Variants in ATP2B2 observed in about 807,000 individuals in gnomAD.
ATP2B2 encodes plasma membrane calcium-transporting ATPase 2.
Under a neutral mutation model 120.0 loss-of-function variants are expected in ATP2B2, and 15 were observed. The ratio of observed to expected loss-of-function variants is 0.12; its 90% CI spans 0.08 to 0.19. The LOEUF (loss-of-function observed/expected upper bound fraction) is 0.19. Among genes scored for constraint, ATP2B2 ranks in the 10% least tolerant of loss-of-function variants. The pLI is 1.00. For synonymous variants in ATP2B2, 694 were observed against 700.3 expected, an observed-to-expected ratio of 0.99 and a Z score of 0.14; for missense variants, 1,045 against 1,719.8, an observed-to-expected ratio of 0.61 and a Z score of 6.94.
chr3:10,511,858 G>A (rs918991781), intron 3 of ATP2B2, among the ~76,000 whole-genome samples: 1 of 152,222 alleles, frequency 6.6e-6, no homozygotes, highest in South Asian at 2.1e-4. Flanking sequence ...CTGTACTGGG[G>A]TCCCTAGCTA....
intron 1 of ATP2B2, among the ~76,000 whole-genome samples, chr3:10,471,607 A>T (rs2065007014): frequency 6.6e-6 from 1 of 151,876 alleles, no homozygotes; most frequent in Admixed American, 6.6e-5. Flanking sequence ...GGGAGAGGGG[A>T]GAGAAACAGA....
At chr3:10,385,179 T>C in intron 8 of ATP2B2, 89 bp downstream of exon 8, 1 of 1,321,078 alleles carries the variant, frequency 7.6e-7, no homozygotes, top group African/African-American at 1.4e-5. Context: ...ATCTGTGCAG[T>C]CCAGAACAAG....
chr3:10,645,513 G>A (rs565139489), intron 1 of ATP2B2, among the ~76,000 whole-genome samples: 6 of 152,276 alleles, frequency 3.9e-5, no homozygotes, highest in Non-Finnish European at 5.9e-5. Context: ...ATGTGTGGAC[G>A]CACACAGATA....
At chr3:10,388,021 C>T in intron 6 of ATP2B2, 1 of 475,102 alleles carries the variant, frequency 2.1e-6, no homozygotes, top group Non-Finnish European at 3.9e-6. Flanking sequence ...TGGTCAGCAT[C>T]CTTGGCCTGG....
Position 10,338,094 on chromosome 3 carries a change from G to A in ATP2B2, c.3420+82C>T. ...CCCTCAGCACCAGAGCTGGGCCCTG[G>A]GGGGCAGCACAAGCACACTCACCTC... is the stretch of plus-strand genomic sequence containing the variant. On this transcript the variant is annotated intron_variant, in intron 22 of 22. Transcript: ENST00000360273. 3 of 1,580,824 alleles carry A rather than the reference G, an allele frequency of 1.9e-6. No individual in the cohort carries two copies. In the South Asian group the frequency reaches 3.3e-5, roughly 18 times the overall value.
In ATP2B2 at chr3:10,635,337, G is replaced by A. The variant is rs144802750; in HGVS notation, c.-459-15376C>T. ...TTGGAGTCTCTGGTTGAGAGTTCCA[G>A]TGGTTAGGAATGTTGCACCCCAAGT... On this transcript the variant is annotated intron_variant, in intron 1 of 21. Coordinates refer to the ATP2B2 transcript ENST00000646379. This position sits in a 1 kb window ranked among gnomAD's most constrained non-coding sequence, Gnocchi z 4.3. Among the ~76,000 whole-genome samples, 31 of 152,270 alleles carry A rather than the reference G, an allele frequency of 2.0e-4. No individual in the cohort carries two copies. The highest frequency in any genetic ancestry group is 7.2e-4 in the African/African-American group (30 of 41,560).
Position 10,342,731 on chromosome 3 carries a change from G to A in ATP2B2, c.2917+21C>T, listed in dbSNP as rs191909745. On this transcript the variant is annotated intron_variant, in intron 19 of 22. Coordinates refer to ENST00000360273, the MANE Select transcript of ATP2B2 (RefSeq NM_001001331.4). This position sits in a 1 kb window ranked among gnomAD's most constrained non-coding sequence, Gnocchi z 4.4. ...GGTGATGACCCCGCCTGGGAGAGGCGTGGGTGGGCGAGGCGCTCACCAACA... is the reference window on the plus strand; with the variant it reads ...GGTGATGACCCCGCCTGGGAGAGGCATGGGTGGGCGAGGCGCTCACCAACA... 146 of 1,613,312 alleles carry A rather than the reference G, an allele frequency of 9.0e-5. 3 individuals are homozygous for A. The South Asian group carries it at 1.1e-3, about 12-fold the overall frequency.
rs193120952 is a variant in ATP2B2, at chr3:10,654,319, G to C, written c.-459-34358C>G. On this transcript the variant is annotated intron_variant, in intron 1 of 21. Transcript: ENST00000646379. ...TGTGAGCTTCTCTAGGGCAGTATCGGTTCATCTTGTAACCCAGGGCCTACT... is the reference window on the plus strand; with the variant it reads ...TGTGAGCTTCTCTAGGGCAGTATCGCTTCATCTTGTAACCCAGGGCCTACT... 2.6e-3 allele frequency among the ~76,000 whole-genome samples: 401 copies of C among 152,234 alleles called. 2 individuals carry two copies. The highest frequency in any genetic ancestry group is 9.1e-3 in the African/African-American group (377 of 41,524).
chr3:10,426,706 A>G (rs1219716606), intron 2 of ATP2B2, among the ~76,000 whole-genome samples: 1 of 152,234 alleles, frequency 6.6e-6, no homozygotes, highest in African/African-American at 2.4e-5. Context: ...TGTTGGTGAA[A>G]TCCAGTATCA....
intron 1 of ATP2B2, among the ~76,000 whole-genome samples, chr3:10,465,146 C>G (rs10490817): frequency 5.9e-5 from 9 of 152,184 alleles, no homozygotes; most frequent in African/African-American, 2.2e-4. Context: ...CCTGGTGTGA[C>G]TCCTTCAGCT....
intron 5 of ATP2B2, among the ~76,000 whole-genome samples, chr3:10,388,754 A>G (rs1027801618): frequency 6.6e-6 from 1 of 152,206 alleles, no homozygotes; most frequent in Non-Finnish European, 1.5e-5. Context: ...GAGTGTTATC[A>G]GTGTCCATGA....
At chr3:10,686,944 A>C (rs2125709475) in intron 1 of ATP2B2, among the ~76,000 whole-genome samples, 1 of 152,346 alleles carries the variant, frequency 6.6e-6, no homozygotes, top group East Asian at 1.9e-4. Flanking sequence ...GAAGAGACTG[A>C]AGCCCAAAGA....
At chr3:10,566,037 A>T (rs540648019) in intron 2 of ATP2B2, among the ~76,000 whole-genome samples, 1 of 152,170 alleles carries the variant, frequency 6.6e-6, no homozygotes, top group South Asian at 2.1e-4. Context: ...CTATTCATCC[A>T]TGAGTCCAGA....
intron 3 of ATP2B2, among the ~76,000 whole-genome samples, chr3:10,521,395 A>G (rs4684705): frequency 0.4 from 61,276 of 152,184 alleles, 12,787 homozygotes; most frequent in South Asian, 0.53. Context: ...TCCTTCATTC[A>G]TGAACTTTCA....
At chr3:10,493,549 T>C (rs2066017185) in intron 1 of ATP2B2, among the ~76,000 whole-genome samples, 1 of 151,960 alleles carries the variant, frequency 6.6e-6, no homozygotes, top group African/African-American at 2.4e-5. Context: ...GGGAGGACTG[T>C]GGAGTTTCAA....
At chr3:10,522,448 T>A (rs1290313788) in intron 3 of ATP2B2, among the ~76,000 whole-genome samples, 2 of 152,230 alleles carry the variant, frequency 1.3e-5, no homozygotes, top group Non-Finnish European at 2.9e-5. Flanking sequence ...GTGACCATCA[T>A]GCCTATCTCC....
intron 1 of ATP2B2, among the ~76,000 whole-genome samples, chr3:10,698,987 G>A (rs551730305): frequency 3.3e-5 from 5 of 152,272 alleles, no homozygotes; most frequent in South Asian, 4.2e-4. Context: ...AAAGCCCTAC[G>A]GGCCTTGAAA....
At chr3:10,583,654 T>G (rs2068442335) in intron 2 of ATP2B2, among the ~76,000 whole-genome samples, 1 of 152,194 alleles carries the variant, frequency 6.6e-6, no homozygotes, top group Non-Finnish European at 1.5e-5. Context: ...GTGTGATCCA[T>G]TTAATCCCTG....
At chr3:10,553,501 G>A (rs558376923) in intron 2 of ATP2B2, among the ~76,000 whole-genome samples, 10 of 152,216 alleles carry the variant, frequency 6.6e-5, no homozygotes, top group Non-Finnish European at 1.2e-4. Context: ...GAATGAAAAC[G>A]CCTCTTTTAA....
Sources: gnomAD v4.1 joint callset for allele counts (sites outside exome capture counted in the v4.1 genomes callset) on GRCh38, gnomAD v4.1.1 for gene constraint, Gnocchi (gnomAD v3.1) non-coding constraint, MANE v1.5 for transcripts, NCBI Gene and HGNC (gene_info 2026-07-23, HGNC 2026-07-21) for gene names.